SCG5: variants seen among roughly 807,000 people sequenced by gnomAD.
SCG5 encodes the protein neuroendocrine protein 7B2.
SCG5 carries 18 observed loss-of-function variants against 25.7 expected under a neutral mutation model. The ratio of observed to expected loss-of-function variants is 0.70; its 90% CI spans 0.48 to 1.04. The LOEUF (loss-of-function observed/expected upper bound fraction) is 1.04, where lower values mean the gene tolerates loss of function less well. SCG5 is among the 50% of genes least tolerant of loss of function. The pLI, the probability that SCG5 is intolerant of heterozygous loss-of-function variation, is 0.00. For missense variants in SCG5, 206 were observed against 259.8 expected (o/e 0.79, Z 1.42); for synonymous variants, 101 against 91.7 (o/e 1.10, Z -0.58).
intron 3 of SCG5, among the ~76,000 whole-genome samples, chr15:32,680,277 G>A (rs955958564): frequency 1.4e-5 from 2 of 145,614 alleles, no homozygotes; most frequent in African/African-American, 2.6e-5. Flanking sequence ...TGCACTGCAC[G>A]CTCCGCCTCC....
intron 2 of SCG5, among the ~76,000 whole-genome samples, chr15:32,657,211 A>ATATATATATG (rs1555433850): frequency 9.8e-6 from 1 of 102,468 alleles, no homozygotes; most frequent in African/African-American, 3.4e-5. Context: ...ATATATATAT[A>ATATATATATG]TGTATGTATT....
chr15:32,664,002 G>A (rs373663179), intron 2 of SCG5, among the ~76,000 whole-genome samples: 92 of 146,100 alleles, frequency 6.3e-4, no homozygotes, highest in African/African-American at 2.3e-3. Flanking sequence ...CTCCCATGTG[G>A]TATAGTAAGA....
At chr15:32,651,155 C>T (rs2054025883) in intron 2 of SCG5, among the ~76,000 whole-genome samples, 1 of 152,158 alleles carries the variant, frequency 6.6e-6, no homozygotes, top group Non-Finnish European at 1.5e-5. Flanking sequence ...GCCAAGATCG[C>T]CCATTGCACT....
chr15:32,658,467 T>TA (rs1183477978), intron 2 of SCG5, among the ~76,000 whole-genome samples: 5 of 152,142 alleles, frequency 3.3e-5, no homozygotes. Context: ...AAAAGAAACA[T>TA]ACTTTTTAAC....
At chr15:32,684,766 A>C (rs1048962625) in intron 4 of SCG5, 97 bp downstream of exon 4, 7 of 725,376 alleles carry the variant, frequency 9.7e-6, no homozygotes, top group Non-Finnish European at 1.6e-5. Context: ...AGAGAAGAAA[A>C]ATTATTTAGA....
chr15:32,688,213 G>A (rs1240311018), intron 4 of SCG5, among the ~76,000 whole-genome samples: 1 of 152,204 alleles, frequency 6.6e-6, no homozygotes, highest in Non-Finnish European at 1.5e-5. Context: ...CTGCCTTCCA[G>A]ACAATGTGTG....
At chr15:32,666,902 C>G (rs1292300686) in intron 2 of SCG5, among the ~76,000 whole-genome samples, 1 of 152,184 alleles carries the variant, frequency 6.6e-6, no homozygotes, top group Non-Finnish European at 1.5e-5. Context: ...CCTCTATACA[C>G]CTGCTCTGAC....
chr15:32,666,877 C>T (rs190051574), intron 2 of SCG5, among the ~76,000 whole-genome samples: 13 of 152,332 alleles, frequency 8.5e-5, no homozygotes, highest in Middle Eastern at 3.4e-3. Flanking sequence ...CACTTTTGAT[C>T]GCCATGTCTA....
chr15:32,662,301 G>A (rs1359481384), intron 2 of SCG5, among the ~76,000 whole-genome samples: 1 of 152,198 alleles, frequency 6.6e-6, no homozygotes, highest in Non-Finnish European at 1.5e-5. Context: ...TTCTGTAAGT[G>A]TTGGACTTAT....
At position 32,696,647 on chromosome 15, in the gene SCG5, G is replaced by A. The variant is rs533275177; in HGVS notation, c.*38G>A. On this transcript the variant is annotated 3_prime_UTR_variant, in exon 6 of 6. Coordinates refer to ENST00000300175, the MANE Select transcript of SCG5 (RefSeq NM_001144757.3). ...AGACGAAAACCCACATTACCTGTTA[G>A]GCCTCAGCATGGCTTATGTGCACGT... The A allele has an allele frequency of 1.5e-4, 202 of 1,347,586 alleles. No individual in the cohort carries two copies. The highest frequency in any genetic ancestry group is 2.0e-4 in the Non-Finnish European group (187 of 944,726). 83.5% of individuals were successfully genotyped at this position (1,347,586 alleles called of 1,614,324 possible). A position where few individuals can be genotyped will look rare whatever the true frequency, so the allele number is the denominator to read the frequency against.
In SCG5 at chr15:32,661,874, A is replaced by G. The variant is rs1191007839; in HGVS notation, c.227-17892A>G. 3.3e-5 allele frequency among the ~76,000 whole-genome samples: 5 copies of G among 152,178 alleles called. No homozygotes were observed. The East Asian group carries it at 9.6e-4, about 29-fold the overall frequency. On this transcript the variant is annotated intron_variant, in intron 2 of 5. Transcript: ENST00000300175. ...TAAAATAAAGATTGTTTAGAATCGT[A>G]CCACCTAGAGATACCCACTTTCAGC...
intron 2 of SCG5, among the ~76,000 whole-genome samples, chr15:32,667,507 G>A (rs993970514): frequency 6.6e-6 from 1 of 152,190 alleles, no homozygotes; most frequent in Admixed American, 6.5e-5. Flanking sequence ...ATTGCCGGAG[G>A]CACCTCCTTT....
intron 3 of SCG5, among the ~76,000 whole-genome samples, chr15:32,680,655 G>A (rs1312120950): frequency 1.3e-5 from 2 of 152,158 alleles, no homozygotes; most frequent in Non-Finnish European, 2.9e-5. Flanking sequence ...CATTCTAACA[G>A]TGTCATGCAT....
chr15:32,691,158 T>C (rs2054848114), intron 4 of SCG5, among the ~76,000 whole-genome samples: 1 of 152,170 alleles, frequency 6.6e-6, no homozygotes, highest in Non-Finnish European at 1.5e-5. Flanking sequence ...AAGAAGTTTT[T>C]TGGCAGTTTT....
At chr15:32,686,624 T>C (rs1186663596) in intron 4 of SCG5, among the ~76,000 whole-genome samples, 1 of 150,902 alleles carries the variant, frequency 6.6e-6, no homozygotes, top group Non-Finnish European at 1.5e-5. Context: ...AAAGAGTAGA[T>C]TGCGGAGGAG....
At chr15:32,653,067 A>G (rs753503872) in intron 2 of SCG5, among the ~76,000 whole-genome samples, 35 of 152,360 alleles carry the variant, frequency 2.3e-4, no homozygotes, top group South Asian at 2.1e-4. Context: ...GAACAGTACA[A>G]TGTAAAAAAT....
intron 2 of SCG5, among the ~76,000 whole-genome samples, chr15:32,649,264 A>G (rs900102621): frequency 6.6e-6 from 1 of 152,264 alleles, no homozygotes. Context: ...CCTAATGGCA[A>G]TAAGTATGTA....
intron 2 of SCG5, chr15:32,677,781 G>T (rs1181848304): frequency 6.6e-6 from 1 of 152,166 alleles, no homozygotes; most frequent in Non-Finnish European, 1.5e-5. Flanking sequence ...GATCTGCTGT[G>T]GTCCTGGAAA....
intron 2 of SCG5, among the ~76,000 whole-genome samples, chr15:32,679,340 A>G (rs1396937101): frequency 6.6e-6 from 1 of 152,008 alleles, no homozygotes; most frequent in Admixed American, 6.6e-5. Context: ...GATTACAGGC[A>G]CCTGCCACCA....
Sources: gnomAD v4.1 joint callset for allele counts (sites outside exome capture counted in the v4.1 genomes callset) on GRCh38, gnomAD v4.1.1 for gene constraint, MANE v1.5 for transcripts, NCBI Gene and HGNC (gene_info 2026-07-23, HGNC 2026-07-21) for gene names.